VWA5B2: variants seen among roughly 807,000 people sequenced by gnomAD.
VWA5B2 encodes von Willebrand factor A domain containing 5B2.
Under a neutral mutation model 118.5 loss-of-function variants are expected in VWA5B2, and 93 were observed. That is an observed-to-expected ratio of 0.79 (90% CI 0.66 to 0.93). The LOEUF (loss-of-function observed/expected upper bound fraction) is 0.93. VWA5B2 is among the 40% of genes least tolerant of loss of function. VWA5B2 has a pLI of 0.00. For missense variants in VWA5B2, 1,546 were observed against 1,672.8 expected, an observed-to-expected ratio of 0.92 and a Z score of 1.32; for synonymous variants, 708 against 716.3, an observed-to-expected ratio of 0.99 and a Z score of 0.19.
chr3:184,239,878 A>G lies in VWA5B2; in HGVS notation c.2582A>G (p.Glu861Gly), dbSNP rs1368559874. The G allele has an allele frequency of 2.6e-6, 4 of 1,551,464 alleles. No individual in the cohort carries two copies. The African/African-American group carries it at 5.5e-5, about 21-fold the overall frequency. ...PMCWEVGVGL[E>G]TLWGPGDGSQ... ...TGCTGGGAGGTGGGTGTTGGGCTGG[A>G]GACACTGTGGGGACCTGGAGATGGC... Residue 861 changes from glutamate to glycine, a missense_variant, in exon 16 of 20, where the codon GAG becomes GGG. Transcript: ENST00000691901. The surrounding 1 kb of genome is among the most constrained non-coding windows in gnomAD (Gnocchi z 5.1).
At position 184,239,561 on chromosome 3, in the gene VWA5B2, G is replaced by A; in HGVS notation, c.2370G>A (p.Leu790=). ...CAAGTCCTGAGCCAGGCCAACAGTT[G>A]GGACAAGGCCTGGATGACTCAGGTA... The part of the protein sequence containing the change: ...DGPSPEPGQQ[L]GQGLDDSGNL... Residue 790 remains leucine (L), a synonymous_variant, in exon 15 of 20, where the codon TTG becomes TTA. Coordinates refer to ENST00000691901, the MANE Select transcript of VWA5B2 (RefSeq NM_001390846.1). This position sits in a 1 kb window ranked among gnomAD's most constrained non-coding sequence, Gnocchi z 5.1. The A allele has an allele frequency of 6.5e-7, 1 of 1,534,170 alleles. No homozygotes were observed. The highest frequency in any genetic ancestry group is 8.8e-7 in the Non-Finnish European group (1 of 1,134,822).
intron 3 of VWA5B2, 22 bp downstream of exon 3, chr3:184,230,939 C>G: frequency 8.3e-7 from 1 of 1,211,074 alleles, no homozygotes; most frequent in Non-Finnish European, 1.0e-6. Context: ...GCGCCCGCAC[C>G]CGCGCTCCTG....
chr3:184,234,112 C>T (rs1043326442), intron 5 of VWA5B2, among the ~76,000 whole-genome samples, 154 bp from the exon 6 acceptor site: 13 of 152,206 alleles, frequency 8.5e-5, no homozygotes, highest in African/African-American at 3.1e-4. Context: ...TACTTCCCAG[C>T]CCATGAAAGC....
rs1439692093 is a variant in VWA5B2, at chr3:184,230,412, C to T, written c.-117C>T. 1.9e-5 allele frequency: 23 copies of T among 1,236,448 alleles called. No homozygotes were observed. Among genetic ancestry groups the T allele is most frequent in the Non-Finnish European group, 2.4e-5 (23 of 966,606 alleles). The allele number at this position is 1,236,448 out of a possible 1,614,324, so 76.6% of individuals were successfully genotyped here. ...CGCTCGGCCTCGCGCCCCGGCAGGC[C>T]CCGTCCGGGTGCTGGAGTGAGACTC... On this transcript the variant is annotated 5_prime_UTR_variant, in exon 2 of 20. Transcript: ENST00000691901.
chr3:184,242,086 G>A lies in VWA5B2; in HGVS notation c.*48G>A. The A allele has an allele frequency of 6.5e-7, 1 of 1,538,412 alleles. No individual in the cohort carries two copies. Among genetic ancestry groups the A allele is most frequent in the Non-Finnish European group, 8.7e-7 (1 of 1,144,776 alleles). On this transcript the variant is annotated 3_prime_UTR_variant, in exon 20 of 20. Coordinates refer to ENST00000691901, the MANE Select transcript of VWA5B2 (RefSeq NM_001390846.1). ...CTGGCGCCCCACCCAACACACTCAA[G>A]TCACTGCCGCCCAGGGCTGGCCTCT...
chr3:184,239,034 G>A lies in VWA5B2; in HGVS notation c.2202+161G>A, dbSNP rs562574329. ...TGTAACAACCAGTGATGAGCACAAG[G>A]ACATGTATTAAGGGGGCTTAAAGTC... On this transcript the variant is annotated intron_variant, in intron 14 of 19. Transcript: ENST00000691901. The surrounding 1 kb of genome is among the most constrained non-coding windows in gnomAD (Gnocchi z 5.1). 1.3e-5 allele frequency among the ~76,000 whole-genome samples: 2 copies of A among 152,366 alleles called. No individual in the cohort carries two copies. The highest frequency in any genetic ancestry group is 2.1e-4 in the South Asian group (1 of 4,826).
rs1718670158 is a variant in VWA5B2, at chr3:184,241,585, C to A, written c.3276C>A (p.Pro1092=). The A allele has an allele frequency of 4.5e-6, 7 of 1,546,712 alleles. No individual in the cohort carries two copies. Among genetic ancestry groups the A allele is most frequent in the Non-Finnish European group, 6.1e-6 (7 of 1,146,694 alleles). The change falls in exon 20 of 20, where the codon CCC becomes CCA. Residue 1092 remains proline (P), a synonymous_variant. Coordinates refer to ENST00000691901, the MANE Select transcript of VWA5B2 (RefSeq NM_001390846.1). The surrounding 1 kb of genome is among the most constrained non-coding windows in gnomAD (Gnocchi z 5.1). ...AGGAGCGCCTCTGCCGTGCCTCGCC[C>A]TTTGCCGTGCACCGCGCCAGCCTCA... ...ISQERLCRAS[P]FAVHRASLSP...
Position 184,233,069 on chromosome 3 carries a change from C to T in VWA5B2, c.311-109C>T. The T allele has an allele frequency of 1.0e-6, 1 of 981,060 alleles. No homozygotes were observed. The highest frequency in any genetic ancestry group is 2.1e-4 in the Middle Eastern group (1 of 4,652). 60.8% of individuals were successfully genotyped at this position (981,060 alleles called of 1,614,324 possible). A position where few individuals can be genotyped will look rare whatever the true frequency, so the allele number is the denominator to read the frequency against. ...AATGCATTAGCCTAGTGCCAACACGCAAAGTCCCCCTTGCCCAGGCTCCCT... is the reference window on the plus strand; with the variant it reads ...AATGCATTAGCCTAGTGCCAACACGTAAAGTCCCCCTTGCCCAGGCTCCCT... On this transcript the variant is annotated intron_variant, in intron 3 of 19. Transcript: ENST00000691901. The surrounding 1 kb of genome is among the most constrained non-coding windows in gnomAD (Gnocchi z 5.2).
intron 16 of VWA5B2, chr3:184,240,453 T>C (rs777925236): frequency 9.2e-5 from 37 of 401,812 alleles, no homozygotes; most frequent in Admixed American, 1.6e-4. Context: ...GACTAGTGGC[T>C]ACCACATTGG....
Position 184,241,673 on chromosome 3 carries a change from G to A in VWA5B2, c.3364G>A (p.Ala1122Thr). ...CCCTGGTGTTGGCCAGGGTGACAGT[G>A]CCACGGCCTCCTGCAGCCCGTCCCC... Reference protein sequence around the residue: ...LGPGVGQGDSATASCSPSPSS... With the variant: ...LGPGVGQGDSTTASCSPSPSS... Residue 1122 changes from alanine (A) to threonine (T), a missense_variant, in exon 20 of 20, where the codon GCC becomes ACC. Ala to Thr is a moderately conservative substitution (Grantham distance 58, BLOSUM62 0). Coordinates refer to ENST00000691901, the MANE Select transcript of VWA5B2 (RefSeq NM_001390846.1). This position sits in a 1 kb window ranked among gnomAD's most constrained non-coding sequence, Gnocchi z 5.1. The A allele has an allele frequency of 6.5e-7, 1 of 1,528,824 alleles. No individual in the cohort carries two copies. The highest frequency in any genetic ancestry group is 1.2e-5 in the South Asian group (1 of 83,562). The allele number at this position is 1,528,824 out of a possible 1,614,324, so 94.7% of individuals were successfully genotyped here. A position where few individuals can be genotyped will look rare whatever the true frequency, so the allele number is the denominator to read the frequency against.
In VWA5B2 at chr3:184,241,306, C is replaced by T. The variant is rs1407680854; in HGVS notation, c.3082C>T (p.Pro1028Ser). The change falls in exon 19 of 20, where the codon CCC (proline) becomes TCC (serine). Residue 1028 changes from proline (P) to serine (S), a missense_variant. Around this residue, in one of 3 missense-constraint regions of VWA5B2, gnomAD observed 763 missense variants for 766.6 expected, o/e 1.00. Transcript: ENST00000691901. This position sits in a 1 kb window ranked among gnomAD's most constrained non-coding sequence, Gnocchi z 5.1. ...TCCTCGCCGCCCACCTCCCCGTCCT[C>T]CCTGTCGGCTCAGCATGGGCCGCCG... ...EGPRRPPPRPPCRLSMGRRHK... is the reference protein window; with the variant it reads ...EGPRRPPPRPSCRLSMGRRHK... 2 of 1,551,342 alleles carry T rather than the reference C, an allele frequency of 1.3e-6. No individual in the cohort carries two copies. The highest frequency in any genetic ancestry group is 2.4e-5 in the South Asian group (2 of 84,064).
intron 16 of VWA5B2, 76 bp from the exon 17 acceptor site, chr3:184,240,715 C>T (rs1202068896): frequency 6.6e-7 from 1 of 1,514,274 alleles, no homozygotes; most frequent in Admixed American, 2.1e-5. Context: ...CTGGGGAGAA[C>T]ACTGCAATTT....
At position 184,241,434 on chromosome 3, in the gene VWA5B2, C is replaced by A; in HGVS notation, c.3180+30C>A. ...GGACTCGGGAGGTGGAGGGTGGTGC[C>A]GCCGGGGCCGGGCGCTGTTTCAGCT... On this transcript the variant is annotated intron_variant, in intron 19 of 19. Coordinates refer to ENST00000691901, the MANE Select transcript of VWA5B2 (RefSeq NM_001390846.1). This position sits in a 1 kb window ranked among gnomAD's most constrained non-coding sequence, Gnocchi z 5.1. 6.4e-7 allele frequency: 1 copy of A among 1,570,702 alleles called. No homozygotes were observed. The highest frequency in any genetic ancestry group is 2.3e-5 in the East Asian group (1 of 42,574).
chr3:184,234,521 C>T, intron 6 of VWA5B2, 110 bp from the exon 7 acceptor site: 1 of 1,523,478 alleles, frequency 6.6e-7, no homozygotes, highest in African/African-American at 1.4e-5. Context: ...GAGGGCAGAG[C>T]CTGTGGTGCA....
intron 8 of VWA5B2, 65 bp downstream of exon 8, chr3:184,235,373 G>A (rs1490401261): frequency 6.6e-6 from 10 of 1,504,582 alleles, no homozygotes; most frequent in African/African-American, 1.4e-5. Context: ...GAGGAGGGCT[G>A]GGGGCAGCCT....
rs1195080439 is a variant in VWA5B2, at chr3:184,230,744, C to T, written c.140-3C>T. 1.5e-5 allele frequency: 18 copies of T among 1,224,848 alleles called. No homozygotes were observed. Among genetic ancestry groups the T allele is most frequent in the Non-Finnish European group, 1.8e-5 (18 of 984,744 alleles). The allele number at this position is 1,224,848 out of a possible 1,614,324, so 75.9% of individuals were successfully genotyped here. A position where few individuals can be genotyped will look rare whatever the true frequency, so the allele number is the denominator to read the frequency against. On this transcript the variant is annotated splice_polypyrimidine_tract_variant and splice_region_variant and intron_variant, in intron 2 of 19. Coordinates refer to ENST00000691901, the MANE Select transcript of VWA5B2 (RefSeq NM_001390846.1). The stretch of plus-strand genomic sequence containing the variant: ...CGACGCCGCCTCCCGCCGCCCTCCC[C>T]AGGCGTGTTCGTGTACCCGCTGGCC...
At position 184,241,414 on chromosome 3, in the gene VWA5B2, C is replaced by T. The variant is rs1049510662; in HGVS notation, c.3180+10C>T. On this transcript the variant is annotated intron_variant, in intron 19 of 19. Coordinates refer to ENST00000691901, the MANE Select transcript of VWA5B2 (RefSeq NM_001390846.1). The surrounding 1 kb of genome is among the most constrained non-coding windows in gnomAD (Gnocchi z 5.1). ...TGACTACCTGCCCTTGGTGAGGACT[C>T]GGGAGGTGGAGGGTGGTGCCGCCGG... 1.9e-6 allele frequency: 3 copies of T among 1,577,380 alleles called. No homozygotes were observed. The highest frequency in any genetic ancestry group is 2.6e-6 in the Non-Finnish European group (3 of 1,160,838).
At position 184,239,679 on chromosome 3, in the gene VWA5B2, G is replaced by T. The variant is rs843332; in HGVS notation, c.2393-10G>T. ...ACTCTGCCCATGCCCCTGCTGTCTT[G>T]CCTCCCCAGGAAACCTGCTCTCCCC... On this transcript the variant is annotated splice_polypyrimidine_tract_variant and intron_variant, in intron 15 of 19. Transcript: ENST00000691901. This position sits in a 1 kb window ranked among gnomAD's most constrained non-coding sequence, Gnocchi z 5.1. The T allele has an allele frequency of 0.22, 320,244 of 1,463,690 alleles. 35,849 individuals are homozygous for T. Among genetic ancestry groups the T allele is most frequent in the Non-Finnish European group, 0.23 (251,695 of 1,101,382 alleles). The allele number at this position is 1,463,690 out of a possible 1,614,324, so 90.7% of individuals were successfully genotyped here. A position where few individuals can be genotyped will look rare whatever the true frequency, so the allele number is the denominator to read the frequency against.
At position 184,239,310 on chromosome 3, in the gene VWA5B2, G is replaced by T; in HGVS notation, c.2203-84G>T. 1 of 1,378,276 alleles carries T rather than the reference G, an allele frequency of 7.3e-7. No homozygotes were observed. The highest frequency in any genetic ancestry group is 1.7e-5 in the South Asian group (1 of 59,716). The allele number at this position is 1,378,276 out of a possible 1,614,324, so 85.4% of individuals were successfully genotyped here. A position where few individuals can be genotyped will look rare whatever the true frequency, so the allele number is the denominator to read the frequency against. ...AGCGGCCACCCAGGGTTTCAGAAAA[G>T]GGGCATGGGCCAGCTGTGCACCCAT... On this transcript the variant is annotated intron_variant, in intron 14 of 19. Coordinates refer to ENST00000691901, the MANE Select transcript of VWA5B2 (RefSeq NM_001390846.1). The surrounding 1 kb of genome is among the most constrained non-coding windows in gnomAD (Gnocchi z 5.1).
Sources: gnomAD v4.1 joint callset for allele counts (sites outside exome capture counted in the v4.1 genomes callset) on GRCh38, gnomAD v4.1.1 for gene constraint, gnomAD v4.1.1 regional missense constraint, Gnocchi (gnomAD v3.1) non-coding constraint, MANE v1.5 for transcripts, NCBI Gene and HGNC (gene_info 2026-07-23, HGNC 2026-07-21) for gene names.